DLG1: variants seen among roughly 807,000 people sequenced by gnomAD.
DLG1 encodes the protein disks large homolog 1.
Under a neutral mutation model 123.4 loss-of-function variants are expected in DLG1, and 42 were observed. The ratio of observed to expected loss-of-function variants is 0.34; its 90% CI spans 0.27 to 0.44. The LOEUF is 0.44. Among genes scored for constraint, DLG1 ranks in the 20% least tolerant of loss-of-function variants. The probability of loss-of-function intolerance (pLI) is 1.00; values close to 1 mark genes in which losing one functional copy is unlikely to be tolerated. For missense variants in DLG1, 942 were observed against 1,082.6 expected (o/e 0.87, Z 1.82); for synonymous variants, 317 against 356.2 (o/e 0.89, Z 1.24).
At chr3:197,248,455 C>T (rs1280548459) in intron 4 of DLG1, among the ~76,000 whole-genome samples, 1 of 151,996 alleles carries the variant, frequency 6.6e-6, no homozygotes, top group Non-Finnish European at 1.5e-5. Flanking sequence ...GAATGGGATC[C>T]CAGATGAGCC....
At chr3:197,162,482 T>A (rs1181717724) in intron 5 of DLG1, among the ~76,000 whole-genome samples, 1 of 152,170 alleles carries the variant, frequency 6.6e-6, no homozygotes, top group African/African-American at 2.4e-5. Context: ...CAGCCTGCCT[T>A]AACAGGCCTT....
chr3:197,232,743 A>G (rs1039068703), intron 4 of DLG1, among the ~76,000 whole-genome samples: 2 of 151,230 alleles, frequency 1.3e-5, no homozygotes, highest in Non-Finnish European at 2.9e-5. Flanking sequence ...ATTACCATCT[A>G]TCTGGCAGAA....
chr3:197,045,131 T>C (rs1263903165), intron 24 of DLG1, among the ~76,000 whole-genome samples: 1 of 151,354 alleles, frequency 6.6e-6, no homozygotes. Context: ...TGGGGTAGGA[T>C]CTTGGGGGAA....
At chr3:197,134,420 C>A (rs1221416212) in intron 10 of DLG1, among the ~76,000 whole-genome samples, 11 of 130,056 alleles carry the variant, frequency 8.5e-5, no homozygotes, top group African/African-American at 3.2e-4. Flanking sequence ...AATTCTTGTA[C>A]ATGTTCACCA....
At chr3:197,092,730 T>C (rs1467800760) in intron 14 of DLG1, among the ~76,000 whole-genome samples, 1 of 152,168 alleles carries the variant, frequency 6.6e-6, no homozygotes, top group Non-Finnish European at 1.5e-5. Context: ...CTTGAACTCC[T>C]GGCCTCAAGC....
intron 7 of DLG1, among the ~76,000 whole-genome samples, chr3:197,142,333 G>C (rs1369219690): frequency 6.6e-6 from 1 of 152,120 alleles, no homozygotes; most frequent in Admixed American, 6.5e-5. Flanking sequence ...GCCTCTGAGA[G>C]AGAATAACAT....
intron 4 of DLG1, among the ~76,000 whole-genome samples, chr3:197,261,461 A>G (rs879134225): frequency 6.6e-6 from 1 of 152,206 alleles, no homozygotes; most frequent in Non-Finnish European, 1.5e-5. Context: ...TTAAAATCCA[A>G]GAAATTTTCT....
chr3:197,171,263 G>A (rs772538133), intron 5 of DLG1, among the ~76,000 whole-genome samples: 2 of 152,104 alleles, frequency 1.3e-5, no homozygotes, highest in Non-Finnish European at 2.9e-5. Flanking sequence ...TGTACTCAAC[G>A]GGGGCCCAGT....
chr3:197,081,168 T>A, intron 16 of DLG1, 51 bp from the exon 17 acceptor site: 1 of 1,532,610 alleles, frequency 6.5e-7, no homozygotes, highest in Non-Finnish European at 8.9e-7. Flanking sequence ...ATATCTGGGG[T>A]CTTACTAGAA....
At chr3:197,295,557 T>C (rs1168790157) in intron 3 of DLG1, among the ~76,000 whole-genome samples, 1 of 151,974 alleles carries the variant, frequency 6.6e-6, no homozygotes, top group Non-Finnish European at 1.5e-5. Flanking sequence ...CTTTTTGAGG[T>C]ACCTGGACAA....
chr3:197,047,904 C>G (rs1040188710), intron 24 of DLG1, among the ~76,000 whole-genome samples: 2 of 151,014 alleles, frequency 1.3e-5, no homozygotes, highest in African/African-American at 4.9e-5. Flanking sequence ...AAAAAATCAT[C>G]AAGTGGGATA....
chr3:197,133,457 G>A (rs1783633859), intron 10 of DLG1, among the ~76,000 whole-genome samples: 1 of 152,162 alleles, frequency 6.6e-6, no homozygotes, highest in South Asian at 2.1e-4. Flanking sequence ...CTGCAGAATT[G>A]TAAACAAATA....
chr3:197,137,555 C>T (rs1053510878), intron 9 of DLG1, among the ~76,000 whole-genome samples: 12 of 151,990 alleles, frequency 7.9e-5, no homozygotes, highest in African/African-American at 2.9e-4. Context: ...ATTTTGTTCC[C>T]TACTTTTAAA....
At chr3:197,166,048 G>A (rs911127019) in intron 5 of DLG1, among the ~76,000 whole-genome samples, 1 of 152,204 alleles carries the variant, frequency 6.6e-6, no homozygotes, top group Non-Finnish European at 1.5e-5. Flanking sequence ...CTGGCAAAGG[G>A]TGCTGGAGCC....
chr3:197,193,838 T>G (rs1720975415), intron 5 of DLG1, among the ~76,000 whole-genome samples: 2 of 151,808 alleles, frequency 1.3e-5, no homozygotes, highest in African/African-American at 4.8e-5. Context: ...TTTTTTTTTT[T>G]GAAATGGAGT....
chr3:197,164,991 C>A (rs963925619), intron 5 of DLG1, among the ~76,000 whole-genome samples: 7 of 151,108 alleles, frequency 4.6e-5, no homozygotes, highest in Non-Finnish European at 1.0e-4. Flanking sequence ...ATTATCAGTA[C>A]GAACAGTTTA....
chr3:197,210,244 AT>A (rs1561470729), intron 4 of DLG1, among the ~76,000 whole-genome samples: 1 of 130,314 alleles, frequency 7.7e-6, no homozygotes. Flanking sequence ...TTGAGAAGCT[AT>A]AAAAAAAAAA....
At chr3:197,089,966 C>A (rs1756814852) in intron 15 of DLG1, among the ~76,000 whole-genome samples, 1 of 152,098 alleles carries the variant, frequency 6.6e-6, no homozygotes, top group African/African-American at 2.4e-5. Flanking sequence ...GGTTTGCTTT[C>A]ATGATGTATC....
At chr3:197,079,791 A>G (rs1318928559) in intron 17 of DLG1, among the ~76,000 whole-genome samples, 1 of 152,142 alleles carries the variant, frequency 6.6e-6, no homozygotes, top group Non-Finnish European at 1.5e-5. Flanking sequence ...TTTTAAAGGA[A>G]TTTATCATTT....
Sources: gnomAD v4.1 joint callset for allele counts (sites outside exome capture counted in the v4.1 genomes callset) on GRCh38, gnomAD v4.1.1 for gene constraint, MANE v1.5 for transcripts, NCBI Gene and HGNC (gene_info 2026-07-23, HGNC 2026-07-21) for gene names.